CYFIP1: variants seen among roughly 807,000 people sequenced by gnomAD.
CYFIP1 encodes the protein cytoplasmic FMR1 interacting protein 1.
Under a neutral mutation model 163.5 loss-of-function variants are expected in CYFIP1, and 58 were observed. That is an observed-to-expected ratio of 0.35 (90% CI 0.29 to 0.44). The LOEUF is 0.44. CYFIP1 is among the 20% of genes least tolerant of loss of function. The pLI is 1.00. For synonymous variants in CYFIP1, 663 were observed against 660.7 expected (o/e 1.00, Z -0.05); for missense variants, 1,338 against 1,653.8 (o/e 0.81, Z 3.31).
intron 1 of CYFIP1, among the ~76,000 whole-genome samples, chr15:22,953,066 G>A (rs1595694412): frequency 6.6e-6 from 1 of 152,356 alleles, no homozygotes; most frequent in Middle Eastern, 3.4e-3. Flanking sequence ...GGCCCGGCCC[G>A]CTTCCAAGGG....
chr15:22,934,555 T>G (rs2061652273), intron 9 of CYFIP1, among the ~76,000 whole-genome samples: 1 of 95,016 alleles, frequency 1.1e-5, no homozygotes, highest in African/African-American at 3.7e-5. Context: ...TGCAGTGCAG[T>G]GGCGTGATCT....
At chr15:22,956,507 AGTGT>A (rs1421726913) in intron 1 of CYFIP1, among the ~76,000 whole-genome samples, 1 of 152,124 alleles carries the variant, frequency 6.6e-6, no homozygotes, top group Non-Finnish European at 1.5e-5. Flanking sequence ...TATGTGTGTG[AGTGT>A]GTGTGTCTTC....
chr15:22,883,198 C>G (rs554518185), intron 23 of CYFIP1, among the ~76,000 whole-genome samples, 187 bp from the exon 24 acceptor site: 2 of 152,268 alleles, frequency 1.3e-5, no homozygotes, highest in African/African-American at 4.8e-5. Context: ...AAAAAGAAAC[C>G]TGCTAAAATA....
chr15:22,915,619 A>G (rs1034410567), intron 16 of CYFIP1, among the ~76,000 whole-genome samples: 1 of 152,026 alleles, frequency 6.6e-6, no homozygotes, highest in Non-Finnish European at 1.5e-5. Flanking sequence ...CGCAGTGGTG[A>G]GCACCTATAA....
At position 22,868,574 on chromosome 15, in the gene CYFIP1, T is replaced by C. The variant is rs2059313481; in HGVS notation, c.*1454A>G. 1 of 151,824 alleles carries C rather than the reference T, an allele frequency of 6.6e-6. No homozygotes were observed. Among genetic ancestry groups the C allele is most frequent in the African/African-American group, 2.4e-5 (1 of 41,320 alleles). 9.4% of individuals were successfully genotyped at this position (151,824 alleles called of 1,614,324 possible). Reference sequence around the variant, plus strand: ...CTGGCCCCAGGGTTATTAATTCACATTACCAAAAGCATTTTTAGGGAACTT... The same window carrying C: ...CTGGCCCCAGGGTTATTAATTCACACTACCAAAAGCATTTTTAGGGAACTT... On this transcript the variant is annotated 3_prime_UTR_variant, in exon 31 of 31. Coordinates refer to ENST00000617928, the MANE Select transcript of CYFIP1 (RefSeq NM_014608.6).
At chr15:22,893,881 G>A (rs1477596195) in intron 22 of CYFIP1, among the ~76,000 whole-genome samples, 1 of 152,206 alleles carries the variant, frequency 6.6e-6, no homozygotes, top group East Asian at 1.9e-4. Flanking sequence ...CATGTATGGA[G>A]ATGTGTTATC....
At chr15:22,879,335 C>G (rs1215660753) in intron 26 of CYFIP1, among the ~76,000 whole-genome samples, 2 of 152,072 alleles carry the variant, frequency 1.3e-5, no homozygotes, top group African/African-American at 4.8e-5. Context: ...CTGTGATGTA[C>G]AGGACAGAGG....
chr15:22,933,972 T>C (rs977031516), intron 9 of CYFIP1, 79 bp from the exon 10 acceptor site: 9 of 969,846 alleles, frequency 9.3e-6, no homozygotes, highest in Non-Finnish European at 1.4e-5. Flanking sequence ...AACTGACTAA[T>C]GCTAATAATT....
chr15:22,921,186 G>A, intron 13 of CYFIP1, among the ~76,000 whole-genome samples: 2 of 151,796 alleles, frequency 1.3e-5, no homozygotes, highest in Middle Eastern at 6.8e-3. Flanking sequence ...TGGCCAATAT[G>A]GTGAAACCCC....
intron 22 of CYFIP1, among the ~76,000 whole-genome samples, chr15:22,902,056 C>T (rs535353973): frequency 1.3e-5 from 2 of 152,300 alleles, no homozygotes; most frequent in Non-Finnish European, 2.9e-5. Flanking sequence ...GACCTCTGCC[C>T]AACAGGTATG....
chr15:22,973,311 CAAAAAAAAAAAA>C (rs397761069), intron 1 of CYFIP1, among the ~76,000 whole-genome samples: 1 of 71,786 alleles, frequency 1.4e-5, no homozygotes, highest in Non-Finnish European at 2.6e-5. Flanking sequence ...GAGACCTTGT[CAAAAAAAAAAAA>C]AAAAAAAAAA....
At chr15:22,972,393 C>A (rs931619859) in intron 1 of CYFIP1, among the ~76,000 whole-genome samples, 1 of 152,078 alleles carries the variant, frequency 6.6e-6, no homozygotes, top group Non-Finnish European at 1.5e-5. Context: ...TCCAAGATTG[C>A]GCCATTGCAC....
At chr15:22,956,375 C>T (rs1236151421) in intron 1 of CYFIP1, among the ~76,000 whole-genome samples, 3 of 152,046 alleles carry the variant, frequency 2.0e-5, no homozygotes, top group Non-Finnish European at 4.4e-5. Flanking sequence ...AAAAAAGACA[C>T]TACTAGGCTG....
intron 24 of CYFIP1, 103 bp from the exon 25 acceptor site, chr15:22,882,039 G>A (rs939557064): frequency 1.0e-6 from 1 of 957,548 alleles, no homozygotes; most frequent in Non-Finnish European, 1.6e-6. Flanking sequence ...AAAGAGCTCG[G>A]TAACCAGCAA....
chr15:22,917,889 G>A lies in CYFIP1; in HGVS notation c.1573C>T (p.His525Tyr), dbSNP rs199706739. 25 of 1,613,876 alleles carry A rather than the reference G, an allele frequency of 1.5e-5. No individual in the cohort carries two copies. The East Asian group carries it at 1.6e-4, about 10-fold the overall frequency. The change falls in exon 15 of 31, where the codon CAT becomes TAT. Residue 525 changes from histidine to tyrosine, a missense_variant. Physicochemically the swap from His to Tyr is moderately conservative, Grantham distance 83. This residue lies in a region of CYFIP1 where 824 missense variants were observed against 995.7 expected (regional missense o/e 0.83). Transcript: ENST00000617928. This position sits in a 1 kb window ranked among gnomAD's most constrained non-coding sequence, Gnocchi z 4.2. ...AAGGCTGGGTCATTGAAGGGCTCATGCCCCGTCTCCCAGTCACACACGGTC... is the reference window on the plus strand; with the variant it reads ...AAGGCTGGGTCATTGAAGGGCTCATACCCCGTCTCCCAGTCACACACGGTC... ...RKTVCDWETG[H>Y]EPFNDPALRG...
At chr15:22,932,387 G>C in intron 10 of CYFIP1, 47 bp from the exon 11 acceptor site, 2 of 1,413,994 alleles carry the variant, frequency 1.4e-6, no homozygotes, top group South Asian at 2.7e-5. Flanking sequence ...GCGCCGGCAG[G>C]CCACAGCACT....
rs1004085194 is a variant in CYFIP1 at position 22,868,907 on chromosome 15, T to C, written c.*1121A>G. ...GTTTATCTGTAGTATTCATCTACAA[T>C]AAACAGGCATAGCATCTTTTTCCAT... On this transcript the variant is annotated 3_prime_UTR_variant, in exon 31 of 31. Coordinates refer to ENST00000617928, the MANE Select transcript of CYFIP1 (RefSeq NM_014608.6). 4 of 135,780 alleles carry C rather than the reference T, an allele frequency of 2.9e-5. No homozygotes were observed. The highest frequency in any genetic ancestry group is 1.2e-4 in the African/African-American group (4 of 34,724). 8.4% of individuals were successfully genotyped at this position (135,780 alleles called of 1,614,324 possible).
intron 1 of CYFIP1, among the ~76,000 whole-genome samples, chr15:22,955,480 G>C (rs547966667): frequency 6.6e-6 from 1 of 152,334 alleles, no homozygotes; most frequent in South Asian, 2.1e-4. Flanking sequence ...CATGGAGCTG[G>C]AGCCACAGAC....
chr15:22,909,345 G>C, intron 20 of CYFIP1, 32 bp from the exon 21 acceptor site: 1 of 1,612,092 alleles, frequency 6.2e-7, no homozygotes, highest in Non-Finnish European at 8.5e-7. Context: ...GGCAGGTAAA[G>C]AGTGGACATG....
Sources: allele counts gnomAD v4.1 joint callset (sites outside exome capture counted in the v4.1 genomes callset), GRCh38; gene constraint gnomAD v4.1.1; regional missense constraint gnomAD v4.1.1; non-coding constraint Gnocchi (gnomAD v3.1); transcripts MANE v1.5; gene names NCBI Gene and HGNC (gene_info 2026-07-23, HGNC 2026-07-21).